CCDC144A: variants seen among roughly 807,000 people sequenced by gnomAD.
CCDC144A encodes the protein coiled-coil domain containing 144A.
A neutral mutation model predicts 143.8 loss-of-function variants in CCDC144A; 41 were observed. That is an observed-to-expected ratio of 0.29 (90% confidence interval 0.22 to 0.37). The LOEUF (loss-of-function observed/expected upper bound fraction) is 0.37. Ranked by LOEUF, CCDC144A falls within the 10% of genes least tolerant of loss-of-function variation. CCDC144A has a pLI of 1.00. For missense variants in CCDC144A, 637 were observed against 1,488.8 expected, an observed-to-expected ratio of 0.43 and a Z score of 9.41; for synonymous variants, 242 against 517.9, an observed-to-expected ratio of 0.47 and a Z score of 7.23.
At position 16,773,675 on chromosome 17, in the gene CCDC144A, G is replaced by A. The variant is rs1915910310; in HGVS notation, c.*42G>A. ...ATTTGGGCTATTCACATGATATTTT[G>A]TTTCCCATTAAATATATGATGTGAA... On this transcript the variant is annotated 3_prime_UTR_variant, in exon 17 of 17. Transcript: ENST00000399273. 2.1e-6 allele frequency: 3 copies of A among 1,425,142 alleles called. No homozygotes were observed. Among genetic ancestry groups the A allele is most frequent in the Non-Finnish European group, 2.8e-6 (3 of 1,076,060 alleles). 88.3% of individuals were successfully genotyped at this position (1,425,142 alleles called of 1,614,324 possible).
chr17:16,737,604 A>T (rs1179200746), intron 12 of CCDC144A: 8 of 1,296,532 alleles, frequency 6.2e-6, no homozygotes, highest in Non-Finnish European at 8.1e-6. Flanking sequence ...GTCAGAGGCT[A>T]CCTCACGTTG....
At position 16,769,708 on chromosome 17, in the gene CCDC144A, G is replaced by T. The variant is rs1915748808; in HGVS notation, c.4099-2269G>T. 5.3e-5 allele frequency among the ~76,000 whole-genome samples: 8 copies of T among 152,206 alleles called. No individual in the cohort carries two copies. The South Asian group carries it at 1.7e-3, about 32-fold the overall frequency. ...TTGACTGGTACTAGCCAGAAGTTAT[G>T]ATATTAATTGTTCTTTAAATTTGAT... On this transcript the variant is annotated intron_variant, in intron 15 of 16. Transcript: ENST00000399273.
At chr17:16,715,425 C>T (rs556799578) in intron 6 of CCDC144A, among the ~76,000 whole-genome samples, 89 of 151,804 alleles carry the variant, frequency 5.9e-4, no homozygotes, top group Admixed American at 2.2e-3. Context: ...AAGCTACATT[C>T]TTTGTATTAA....
chr17:16,737,155 G>A (rs1567600545), intron 12 of CCDC144A, among the ~76,000 whole-genome samples: 1 of 140,308 alleles, frequency 7.1e-6, no homozygotes, highest in South Asian at 2.4e-4. Context: ...ATGAGTTAGA[G>A]TTAAATCTTT....
chr17:16,686,747 AACACACACACACACACACACACAC>A (rs142329474), upstream of CCDC144A, among the ~76,000 whole-genome samples: 3 of 140,490 alleles, frequency 2.1e-5, no homozygotes, highest in East Asian at 6.1e-4. Context: ...CACACACACA[AACACACACACACACACACACACAC>A]ACACACACAC....
chr17:16,753,903 A>G (rs1237242298), intron 12 of CCDC144A, among the ~76,000 whole-genome samples: 1 of 152,252 alleles, frequency 6.6e-6, no homozygotes, highest in African/African-American at 2.4e-5. Flanking sequence ...TAATTTATGA[A>G]AAATTGGTGT....
At chr17:16,702,265 T>G (rs1222471867) in intron 2 of CCDC144A, among the ~76,000 whole-genome samples, 1 of 152,204 alleles carries the variant, frequency 6.6e-6, no homozygotes, top group African/African-American at 2.4e-5. Context: ...GTGTTTCTTC[T>G]TAAGCTTCTC....
chr17:16,727,851 T>A, intron 9 of CCDC144A, 111 bp downstream of exon 9: 1 of 954,498 alleles, frequency 1.0e-6, no homozygotes. Context: ...CTTTTTGGTC[T>A]TGTGGAATAT....
intron 11 of CCDC144A, among the ~76,000 whole-genome samples, chr17:16,734,081 A>C (rs1359076304): frequency 6.6e-6 from 1 of 151,014 alleles, no homozygotes; most frequent in Non-Finnish European, 1.5e-5. Context: ...CCAAGGCTAC[A>C]GTGAGTCTTG....
In CCDC144A at chr17:16,727,841, C is replaced by A. The variant is rs1312612249; in HGVS notation, c.2105+101C>A. 3 of 1,139,996 alleles carry A rather than the reference C, an allele frequency of 2.6e-6. No homozygotes were observed. In the East Asian group the frequency reaches 8.7e-5, roughly 33 times the overall value. The allele number at this position is 1,139,996 out of a possible 1,614,324, so 70.6% of individuals were successfully genotyped here. A position where few individuals can be genotyped will look rare whatever the true frequency, so the allele number is the denominator to read the frequency against. On this transcript the variant is annotated intron_variant, in intron 9 of 16. Transcript: ENST00000399273. Reference sequence around the variant, plus strand: ...TTCTGCAGAATAATGGGGGAGAAACCTTTTTGGTCTTGTGGAATATGAAAT... The same window carrying A: ...TTCTGCAGAATAATGGGGGAGAAACATTTTTGGTCTTGTGGAATATGAAAT...
chr17:16,667,198 C>G, the CCDC144A span: 1 of 204,298 alleles, frequency 4.9e-6, no homozygotes, highest in African/African-American at 2.4e-5. Flanking sequence ...CTAAGGCAGC[C>G]GGGCGGGTGA....
intron 9 of CCDC144A, among the ~76,000 whole-genome samples, chr17:16,729,991 T>TATATAC (rs1491438660): frequency 8.7e-6 from 1 of 114,882 alleles, no homozygotes; most frequent in African/African-American, 3.3e-5. Context: ...TATATATATA[T>TATATAC]ACACACATAC....
chr17:16,680,565 GAGAAAGAA>G, the CCDC144A span, among the ~76,000 whole-genome samples: 1 of 142,324 alleles, frequency 7.0e-6, no homozygotes, highest in African/African-American at 2.6e-5. Context: ...AAGAGAGAGA[GAGAAAGAA>G]AGAGAGAAAG....
At chr17:16,765,088 A>G (rs1915539000) in intron 15 of CCDC144A, 1 of 93,372 alleles carries the variant, frequency 1.1e-5, no homozygotes, top group Admixed American at 1.3e-4. Context: ...GTAAGAGTCT[A>G]TTTCTGGGGA....
Position 16,720,793 on chromosome 17 carries a change from T to C in CCDC144A, c.1891+135T>C, listed in dbSNP as rs149260353. 797 of 1,432,706 alleles carry C rather than the reference T, an allele frequency of 5.6e-4. 6 individuals carry two copies. In the African/African-American group the frequency reaches 0.01, roughly 18 times the overall value. 88.7% of individuals were successfully genotyped at this position (1,432,706 alleles called of 1,614,324 possible). ...AGTGTTAAAATAGAGAACTAACTTATACTCTACGCCAAAGAGCTATGATAA... is the reference window on the plus strand; with the variant it reads ...AGTGTTAAAATAGAGAACTAACTTACACTCTACGCCAAAGAGCTATGATAA... On this transcript the variant is annotated intron_variant, in intron 8 of 16. Coordinates refer to ENST00000399273, the MANE Select transcript of CCDC144A (RefSeq NM_001382000.1).
chr17:16,762,769 C>A (rs1290491012), intron 14 of CCDC144A, among the ~76,000 whole-genome samples: 1 of 152,134 alleles, frequency 6.6e-6, no homozygotes, highest in Non-Finnish European at 1.5e-5. Flanking sequence ...TCCTGTCTCT[C>A]CTGTTTTTTG....
chr17:16,743,707 TCAGGGAGTA>T (rs1281489535), intron 12 of CCDC144A, among the ~76,000 whole-genome samples: 47 of 152,276 alleles, frequency 3.1e-4, no homozygotes, highest in Admixed American at 5.2e-4. Flanking sequence ...ACTTTCAGAT[TCAGGGAGTA>T]CATGTGCAGG....
intron 12 of CCDC144A, chr17:16,746,598 T>C (rs1914533011): frequency 1.9e-6 from 3 of 1,613,584 alleles, no homozygotes; most frequent in Non-Finnish European, 1.7e-6. Context: ...AAAAGAAGGA[T>C]GTCATCAGGA....
rs1415969265 is a variant in CCDC144A, at chr17:16,697,905, T to G, written c.415+4856T>G. Among the ~76,000 whole-genome samples, 4 of 152,352 alleles carry G rather than the reference T, an allele frequency of 2.6e-5. 1 individual carries two copies. In the South Asian group the frequency reaches 8.3e-4, roughly 32 times the overall value. Reference sequence around the variant, plus strand: ...ATTCTCAGGTTTCTGGCTTGTGCCCTAGCATTTAACCGGGACACGAGGGAG... The same window carrying G: ...ATTCTCAGGTTTCTGGCTTGTGCCCGAGCATTTAACCGGGACACGAGGGAG... On this transcript the variant is annotated intron_variant, in intron 2 of 16. Coordinates refer to ENST00000399273, the MANE Select transcript of CCDC144A (RefSeq NM_001382000.1).
Sources: allele counts gnomAD v4.1 joint callset (sites outside exome capture counted in the v4.1 genomes callset), GRCh38; gene constraint gnomAD v4.1.1; transcripts MANE v1.5; gene names NCBI Gene and HGNC (gene_info 2026-07-23, HGNC 2026-07-21).